NELL1: variants seen among roughly 807,000 people sequenced by gnomAD.
The protein encoded by NELL1 is protein kinase C-binding protein NELL1.
NELL1 carries 76 observed loss-of-function variants against 107.4 expected under a neutral mutation model. The ratio of observed to expected loss-of-function variants is 0.71; its 90% CI spans 0.59 to 0.86. The LOEUF (loss-of-function observed/expected upper bound fraction) is 0.86. NELL1 is among the 40% of genes least tolerant of loss of function. The pLI, the probability that NELL1 is intolerant of heterozygous loss-of-function variation, is 0.00. For synonymous variants in NELL1, 353 were observed against 341.2 expected (o/e 1.03, Z -0.38); for missense variants, 1,024 against 1,005.5 (o/e 1.02, Z -0.25).
At chr11:21,566,307 A>G (rs576861920) in intron 17 of NELL1, among the ~76,000 whole-genome samples, 12 of 151,988 alleles carry the variant, frequency 7.9e-5, no homozygotes, top group African/African-American at 2.9e-4. Context: ...AATGAGTGAT[A>G]TTATGTAATC....
chr11:21,093,639 A>C (rs369438911), intron 12 of NELL1, among the ~76,000 whole-genome samples: 1 of 152,236 alleles, frequency 6.6e-6, no homozygotes, highest in East Asian at 1.9e-4. Context: ...AGTTCCATGT[A>C]GCTGGGGAAG....
chr11:20,691,974 T>C (rs1854479787), intron 2 of NELL1, among the ~76,000 whole-genome samples: 2 of 152,146 alleles, frequency 1.3e-5, no homozygotes, highest in African/African-American at 4.8e-5. Flanking sequence ...CTGTTATTGG[T>C]CTATTCAGAG....
At chr11:21,171,214 A>G (rs4922776) in intron 13 of NELL1, among the ~76,000 whole-genome samples, 115,366 of 151,550 alleles carry the variant, frequency 0.76, 44,214 homozygotes, top group Admixed American at 0.82. Flanking sequence ...AACAAAGGGT[A>G]CCCATTTTAG....
At chr11:20,940,698 A>T (rs1850833437) in intron 10 of NELL1, among the ~76,000 whole-genome samples, 1 of 152,208 alleles carries the variant, frequency 6.6e-6, no homozygotes, top group South Asian at 2.1e-4. Flanking sequence ...TGCATTCTAA[A>T]GGCTATAGAG....
chr11:21,319,728 T>G (rs1181990850), intron 14 of NELL1, among the ~76,000 whole-genome samples: 2 of 151,620 alleles, frequency 1.3e-5, no homozygotes, highest in African/African-American at 2.4e-5. Context: ...GGCAGGTGGA[T>G]CATGAGGTCA....
intron 12 of NELL1, among the ~76,000 whole-genome samples, chr11:21,057,513 CTAT>C (rs1359713995): frequency 1.3e-5 from 2 of 151,652 alleles, no homozygotes; most frequent in African/African-American, 4.8e-5. Context: ...ATTTATCTAC[CTAT>C]TATTTAAAAT....
intron 13 of NELL1, among the ~76,000 whole-genome samples, chr11:21,162,653 T>A (rs1254254934): frequency 6.6e-6 from 1 of 152,066 alleles, no homozygotes; most frequent in Non-Finnish European, 1.5e-5. Flanking sequence ...ATTGGTAGAG[T>A]GTGACCTTCA....
At chr11:21,123,458 C>A (rs1396092579) in intron 13 of NELL1, among the ~76,000 whole-genome samples, 1 of 151,394 alleles carries the variant, frequency 6.6e-6, no homozygotes, top group Non-Finnish European at 1.5e-5. Flanking sequence ...AAAAGAAATG[C>A]AAATTAAAAT....
At chr11:21,239,298 C>T (rs999985120) in intron 14 of NELL1, among the ~76,000 whole-genome samples, 4 of 152,048 alleles carry the variant, frequency 2.6e-5, no homozygotes, top group African/African-American at 9.7e-5. Context: ...GCCTTTTTAA[C>T]ATATGTTGTA....
At chr11:20,948,883 T>G (rs1402463367) in intron 11 of NELL1, among the ~76,000 whole-genome samples, 1 of 152,130 alleles carries the variant, frequency 6.6e-6, no homozygotes, top group African/African-American at 2.4e-5. Flanking sequence ...AATCTGAGCT[T>G]TGAAGCTTCC....
At chr11:20,682,501 A>G (rs966800446) in intron 2 of NELL1, among the ~76,000 whole-genome samples, 2 of 152,166 alleles carry the variant, frequency 1.3e-5, no homozygotes, top group South Asian at 4.1e-4. Flanking sequence ...TGTTGATTTC[A>G]TAAAATTTAA....
chr11:21,105,214 G>A (rs1433289666), intron 12 of NELL1, among the ~76,000 whole-genome samples: 2 of 152,142 alleles, frequency 1.3e-5, no homozygotes. Flanking sequence ...GGGGTTAAGA[G>A]TGGAGGTTTA....
chr11:21,560,922 G>A (rs1053866441), intron 17 of NELL1, among the ~76,000 whole-genome samples: 7 of 151,830 alleles, frequency 4.6e-5, no homozygotes, highest in Admixed American at 1.3e-4. Context: ...CTCAGTGCTG[G>A]GCCATTCCTT....
At chr11:20,871,415 G>A (rs1849194536) in intron 4 of NELL1, among the ~76,000 whole-genome samples, 1 of 152,090 alleles carries the variant, frequency 6.6e-6, no homozygotes, top group Non-Finnish European at 1.5e-5. Flanking sequence ...AGAGGACAGG[G>A]ATATAATATT....
chr11:20,742,029 C>G (rs1054258016), intron 2 of NELL1, among the ~76,000 whole-genome samples: 2 of 152,192 alleles, frequency 1.3e-5, no homozygotes, highest in African/African-American at 2.4e-5. Flanking sequence ...ATACTTTGAG[C>G]AACAAAGGGT....
intron 15 of NELL1, among the ~76,000 whole-genome samples, chr11:21,399,166 T>C (rs1590899725): frequency 6.6e-6 from 1 of 151,772 alleles, no homozygotes; most frequent in East Asian, 2.0e-4. Context: ...TAATGGAATA[T>C]GGTAATGGAA....
At chr11:21,522,350 G>A (rs537106572) in intron 15 of NELL1, among the ~76,000 whole-genome samples, 4 of 152,148 alleles carry the variant, frequency 2.6e-5, no homozygotes, top group Non-Finnish European at 5.9e-5. Flanking sequence ...TAAAGAAAAT[G>A]TGTTAGATAT....
intron 12 of NELL1, among the ~76,000 whole-genome samples, chr11:21,055,585 C>G (rs1430037902): frequency 6.6e-6 from 1 of 152,044 alleles, no homozygotes; most frequent in Non-Finnish European, 1.5e-5. Flanking sequence ...AACCTTCTTT[C>G]TTCTGTTATC....
intron 3 of NELL1, among the ~76,000 whole-genome samples, chr11:20,785,723 A>G (rs1198198891): frequency 6.6e-6 from 1 of 152,142 alleles, no homozygotes; most frequent in Non-Finnish European, 1.5e-5. Flanking sequence ...TGGAACTTCA[A>G]TTTCCTTGTC....
Sources: gnomAD v4.1 joint callset for allele counts (sites outside exome capture counted in the v4.1 genomes callset) on GRCh38, gnomAD v4.1.1 for gene constraint, MANE v1.5 for transcripts, NCBI Gene and HGNC (gene_info 2026-07-23, HGNC 2026-07-21) for gene names.